EYS: variants seen among roughly 807,000 people sequenced by gnomAD.
EYS encodes the protein protein eyes shut homolog.
A neutral mutation model predicts 282.1 loss-of-function variants in EYS; 250 were observed. That is an observed-to-expected ratio of 0.89 (90% CI 0.80 to 0.98). The LOEUF (loss-of-function observed/expected upper bound fraction) is 0.98, where lower values mean the gene tolerates loss of function less well. EYS is among the 50% of genes least tolerant of loss of function. The pLI, the probability that EYS is intolerant of heterozygous loss-of-function variation, is 0.00. For synonymous variants in EYS, 1,355 were observed against 1,282.9 expected (o/e 1.06, Z -1.20); for missense variants, 4,016 against 3,709.0 (o/e 1.08, Z -2.15).
chr6:63,786,878 C>T (rs1770375510), intron 39 of EYS, among the ~76,000 whole-genome samples: 1 of 152,034 alleles, frequency 6.6e-6, no homozygotes, highest in Non-Finnish European at 1.5e-5. Flanking sequence ...TAGAGATCAG[C>T]TTTGGGAACC....
intron 35 of EYS, among the ~76,000 whole-genome samples, chr6:63,947,555 C>A (rs776181973): frequency 6.6e-6 from 1 of 152,002 alleles, no homozygotes; most frequent in African/African-American, 2.4e-5. Context: ...TAGGAATTTA[C>A]ATATATAATT....
chr6:64,740,179 C>G (rs1344366261), intron 22 of EYS, among the ~76,000 whole-genome samples: 2 of 152,072 alleles, frequency 1.3e-5, no homozygotes, highest in Non-Finnish European at 2.9e-5. Context: ...CCAGCACAAT[C>G]TACATAATCA....
At chr6:65,195,327 A>G (rs1765738281) in intron 12 of EYS, among the ~76,000 whole-genome samples, 1 of 152,072 alleles carries the variant, frequency 6.6e-6, no homozygotes, top group African/African-American at 2.4e-5. Flanking sequence ...ATTTCATATA[A>G]GAATGATGCA....
chr6:64,048,115 A>T (rs1770689379), intron 33 of EYS, among the ~76,000 whole-genome samples: 1 of 152,152 alleles, frequency 6.6e-6, no homozygotes, highest in South Asian at 2.1e-4. Flanking sequence ...CATGTTGGCC[A>T]GGCTGATCTC....
chr6:64,076,718 T>C (rs1771783727), intron 32 of EYS, among the ~76,000 whole-genome samples: 1 of 151,992 alleles, frequency 6.6e-6, no homozygotes, highest in African/African-American at 2.4e-5. Flanking sequence ...CCATTAAACC[T>C]CTTCTTCTTT....
At chr6:65,484,427 A>G (rs140025854) in intron 5 of EYS, among the ~76,000 whole-genome samples, 120 of 152,318 alleles carry the variant, frequency 7.9e-4, no homozygotes, top group African/African-American at 2.8e-3. Context: ...ACATAAGCAG[A>G]AAATTATTTT....
intron 30 of EYS, among the ~76,000 whole-genome samples, chr6:64,302,731 G>A (rs1055535839): frequency 2.0e-5 from 3 of 152,062 alleles, no homozygotes; most frequent in Non-Finnish European, 4.4e-5. Context: ...AGTAGCACAA[G>A]CCTTATTTAC....
chr6:65,069,329 T>G (rs542724926), intron 12 of EYS, among the ~76,000 whole-genome samples: 1 of 152,096 alleles, frequency 6.6e-6, no homozygotes, highest in African/African-American at 2.4e-5. Flanking sequence ...CAACTTCCTT[T>G]AAAGATTTAA....
intron 34 of EYS, among the ~76,000 whole-genome samples, chr6:63,988,291 T>C (rs1355386475): frequency 6.6e-6 from 1 of 151,614 alleles, no homozygotes; most frequent in African/African-American, 2.4e-5. Context: ...AAGTGAACCT[T>C]TCACTGTTTT....
chr6:64,400,930 A>T (rs9345055), intron 28 of EYS, among the ~76,000 whole-genome samples: 2 of 151,810 alleles, frequency 1.3e-5, no homozygotes, highest in Non-Finnish European at 2.9e-5. Flanking sequence ...TCCACTAAAT[A>T]GAGTATGGAA....
intron 33 of EYS, among the ~76,000 whole-genome samples, chr6:64,000,863 T>G (rs1023768119): frequency 1.3e-5 from 2 of 152,118 alleles, no homozygotes; most frequent in Non-Finnish European, 2.9e-5. Flanking sequence ...ATTCTTGAAT[T>G]CTGGCCAGGC....
intron 26 of EYS, among the ~76,000 whole-genome samples, chr6:64,577,878 T>C (rs1765933888): frequency 6.6e-6 from 1 of 152,158 alleles, no homozygotes; most frequent in African/African-American, 2.4e-5. Context: ...TTGCATTATT[T>C]TCCTTTATTT....
Position 65,262,104 on chromosome 6 carries a change from A to G in EYS, c.2023+33759T>C, listed in dbSNP as rs573990746. On this transcript the variant is annotated intron_variant, in intron 12 of 42. Coordinates refer to ENST00000503581, the MANE Select transcript of EYS (RefSeq NM_001142800.2). The stretch of plus-strand genomic sequence containing the variant: ...ATCCCTAAATCTCTGCACCTGATTT[A>G]GTTCTAAATAGCTCCCAGGTGCTTT... Among the ~76,000 whole-genome samples, 36 of 152,212 alleles carry G rather than the reference A, an allele frequency of 2.4e-4. No individual in the cohort carries two copies. The South Asian group carries it at 2.5e-3, about 11-fold the overall frequency.
At chr6:64,745,149 T>C (rs375946906) in intron 22 of EYS, among the ~76,000 whole-genome samples, 1 of 152,154 alleles carries the variant, frequency 6.6e-6, no homozygotes, top group Admixed American at 6.6e-5. Flanking sequence ...TTGAAACATT[T>C]CTAAAAATAC....
chr6:65,508,018 C>T (rs1054694704), intron 2 of EYS, among the ~76,000 whole-genome samples: 5 of 152,124 alleles, frequency 3.3e-5, no homozygotes, highest in African/African-American at 1.2e-4. Flanking sequence ...TTCAAGCATA[C>T]TGTATCGGGT....
At chr6:64,417,671 C>CTT (rs11414644) in intron 28 of EYS, among the ~76,000 whole-genome samples, 3,418 of 123,938 alleles carry the variant, frequency 0.028, 142 homozygotes, top group Middle Eastern at 0.038. Flanking sequence ...TAAGGGTTGG[C>CTT]TTTTTTTTTT....
chr6:65,032,268 G>T (rs1268956157), intron 13 of EYS, among the ~76,000 whole-genome samples: 1 of 152,082 alleles, frequency 6.6e-6, no homozygotes, highest in East Asian at 1.9e-4. Flanking sequence ...ACCAGAAAAA[G>T]CCCATGACCA....
intron 37 of EYS, among the ~76,000 whole-genome samples, chr6:63,796,562 TA>T (rs1486377606): frequency 1.3e-5 from 2 of 152,204 alleles, no homozygotes; most frequent in Non-Finnish European, 2.9e-5. Context: ...ATAATAGTTG[TA>T]ATTTGTTATT....
intron 12 of EYS, among the ~76,000 whole-genome samples, chr6:65,271,936 C>T (rs1767917288): frequency 6.6e-6 from 1 of 152,082 alleles, no homozygotes; most frequent in Non-Finnish European, 1.5e-5. Context: ...CTACCTTCAG[C>T]CAGTTGAAGG....
Sources: gnomAD v4.1 joint callset for allele counts (sites outside exome capture counted in the v4.1 genomes callset) on GRCh38, gnomAD v4.1.1 for gene constraint, MANE v1.5 for transcripts, NCBI Gene and HGNC (gene_info 2026-07-23, HGNC 2026-07-21) for gene names.